The following SPEF2 variants were observed in gnomAD, a reference collection of about 807,000 sequenced individuals.
SPEF2 encodes sperm flagella and cilia-associated protein 2.
A neutral mutation model predicts 224.6 loss-of-function variants in SPEF2; 187 were observed. The ratio of observed to expected loss-of-function variants is 0.83; its 90% CI spans 0.74 to 0.94. The LOEUF (loss-of-function observed/expected upper bound fraction) is 0.94. Ranked by LOEUF, SPEF2 falls within the 40% of genes least tolerant of loss-of-function variation. The probability of loss-of-function intolerance (pLI) is 0.00; values close to 1 mark genes in which losing one functional copy is unlikely to be tolerated. For missense variants in SPEF2, 2,170 were observed against 2,135.6 expected (o/e 1.02, Z -0.32); for synonymous variants, 715 against 707.3 (o/e 1.01, Z -0.17).
intron 19 of SPEF2, among the ~76,000 whole-genome samples, chr5:35,712,291 C>A (rs1313182572): frequency 6.6e-6 from 1 of 151,738 alleles, no homozygotes; most frequent in Non-Finnish European, 1.5e-5. Context: ...GACAGGGTCT[C>A]ACTATGTTGC....
At chr5:35,652,142 T>C (rs7710864) in intron 6 of SPEF2, among the ~76,000 whole-genome samples, 14,696 of 152,166 alleles carry the variant, frequency 0.097, 851 homozygotes, top group East Asian at 0.18. Context: ...GAAAATATAA[T>C]CACTGCCCTC....
intron 36 of SPEF2, among the ~76,000 whole-genome samples, chr5:35,811,633 G>A (rs528175072): frequency 5.2e-4 from 79 of 151,792 alleles, no homozygotes; most frequent in Middle Eastern, 3.4e-3. Flanking sequence ...GGTGGGGTTT[G>A]TACAAATTAA....
At chr5:35,695,358 G>A (rs549250247) in intron 13 of SPEF2, among the ~76,000 whole-genome samples, 27 of 150,846 alleles carry the variant, frequency 1.8e-4, no homozygotes, top group African/African-American at 6.3e-4. Flanking sequence ...TGGTAATCCA[G>A]GAAAATAAAA....
intron 17 of SPEF2, among the ~76,000 whole-genome samples, chr5:35,705,107 C>A (rs1321608893): frequency 6.6e-6 from 1 of 151,876 alleles, no homozygotes; most frequent in African/African-American, 2.4e-5. Context: ...TTTTATGAAA[C>A]CCTGAAAAGT....
Position 35,795,792 on chromosome 5 carries a change from A to G in SPEF2, c.4827A>G (p.Ile1609Met). The stretch of plus-strand genomic sequence containing the variant: ...CATTTAATAGGCAGGAGCATCTTAT[A>G]GAGGTAATGACTGAGATCTTTAAAA... ...PLPFNRQEHL[I>M]EFFFRLFADY... Residue 1609 changes from isoleucine (I) to methionine (M), a missense_variant, in exon 33 of 37, where the codon ATA becomes ATG. Transcript: ENST00000356031. The G allele has an allele frequency of 1.9e-6, 3 of 1,608,638 alleles. No individual in the cohort carries two copies. The highest frequency in any genetic ancestry group is 2.6e-6 in the Non-Finnish European group (3 of 1,175,902).
chr5:35,750,060 G>A (rs942974604), intron 23 of SPEF2, among the ~76,000 whole-genome samples: 1 of 152,042 alleles, frequency 6.6e-6, no homozygotes, highest in African/African-American at 2.4e-5. Context: ...AATACCTACA[G>A]CCAACTGATC....
intron 21 of SPEF2, among the ~76,000 whole-genome samples, chr5:35,731,622 AGTGGTACTT>A (rs1745659727): frequency 6.6e-6 from 1 of 152,204 alleles, no homozygotes; most frequent in Non-Finnish European, 1.5e-5. Context: ...AGACCTGACC[AGTGGTACTT>A]GAAGATGAAT....
rs750895960 is a variant in SPEF2, at chr5:35,789,295, T to G, written c.4448-3045T>G. On this transcript the variant is annotated intron_variant, in intron 30 of 36. Transcript: ENST00000356031. ...TCCTTAGCATTCTGTCCTGTGTCAATAAGAATAGAAATTCCTCAATTGCTG... is the reference window on the plus strand; with the variant it reads ...TCCTTAGCATTCTGTCCTGTGTCAAGAAGAATAGAAATTCCTCAATTGCTG... 6.3e-5 allele frequency: 44 copies of G among 703,254 alleles called. No homozygotes were observed. The South Asian group carries it at 6.5e-4, about 10-fold the overall frequency. The allele number at this position is 703,254 out of a possible 1,614,324, so 43.6% of individuals were successfully genotyped here.
At chr5:35,648,363 AGTTTTTTTTTT>A (rs961806706) in intron 5 of SPEF2, among the ~76,000 whole-genome samples, 2 of 151,152 alleles carry the variant, frequency 1.3e-5, no homozygotes, top group African/African-American at 4.9e-5. Flanking sequence ...AGTTGATTAA[AGTTTTTTTTTT>A]GTTTTTTTTT....
At chr5:35,781,272 T>C (rs943448168) in intron 30 of SPEF2, 4 of 152,180 alleles carry the variant, frequency 2.6e-5, no homozygotes, top group Non-Finnish European at 5.9e-5. Context: ...GAGTTCTTTC[T>C]GGGACACAGT....
chr5:35,726,163 G>A (rs979114550), intron 20 of SPEF2, among the ~76,000 whole-genome samples: 1 of 152,084 alleles, frequency 6.6e-6, no homozygotes, highest in African/African-American at 2.4e-5. Context: ...ATTGTTAAAA[G>A]TTACACAAAA....
chr5:35,618,110 T>TGCAGCGCAGC, intron 1 of SPEF2, 55 bp downstream of exon 1: 1 of 1,536,546 alleles, frequency 6.5e-7, no homozygotes, highest in Non-Finnish European at 8.8e-7. Context: ...GCGCAGAGCC[T>TGCAGCGCAGC]GCAGCGCAGC....
chr5:35,761,402 G>C (rs1411108314), intron 25 of SPEF2, among the ~76,000 whole-genome samples: 2 of 152,094 alleles, frequency 1.3e-5, no homozygotes, highest in African/African-American at 4.8e-5. Flanking sequence ...TCCCAATAAT[G>C]CTCAATAAAT....
intron 25 of SPEF2, among the ~76,000 whole-genome samples, chr5:35,761,772 G>C (rs1024852068): frequency 6.6e-6 from 1 of 152,194 alleles, no homozygotes; most frequent in African/African-American, 2.4e-5. Flanking sequence ...AGTACATTCT[G>C]TTCTCAGCAC....
chr5:35,746,658 A>G (rs1748579771), intron 23 of SPEF2, among the ~76,000 whole-genome samples: 1 of 152,150 alleles, frequency 6.6e-6, no homozygotes, highest in South Asian at 2.1e-4. Flanking sequence ...AAAGCCTCCA[A>G]GAAGTCTGGG....
intron 28 of SPEF2, among the ~76,000 whole-genome samples, chr5:35,774,725 C>T (rs1006736333): frequency 2.0e-5 from 3 of 152,078 alleles, no homozygotes; most frequent in African/African-American, 7.2e-5. Flanking sequence ...TGGGGTATGC[C>T]GAGACACCTT....
At chr5:35,658,777 T>C (rs1749303018) in intron 7 of SPEF2, among the ~76,000 whole-genome samples, 1 of 152,206 alleles carries the variant, frequency 6.6e-6, no homozygotes. Flanking sequence ...ATGTTTTGAA[T>C]GAAGTAATAA....
Position 35,641,644 on chromosome 5 carries a change from T to C in SPEF2, c.375T>C (p.Asn125=). The change falls in exon 3 of 37, where the codon AAT becomes AAC. Residue 125 remains asparagine (N), a synonymous_variant. Coordinates refer to ENST00000356031, the MANE Select transcript of SPEF2 (RefSeq NM_024867.4). ...VEMQTMQRLT[N]LRLQNMKSDT... ...TGCAAACCATGCAACGTCTGACAAA[T>C]TTAAGACTTCAAAACATGAAAAGTG... The C allele has an allele frequency of 6.2e-7, 1 of 1,613,486 alleles. No individual in the cohort carries two copies. Among genetic ancestry groups the C allele is most frequent in the Non-Finnish European group, 8.5e-7 (1 of 1,179,662 alleles).
At chr5:35,804,252 G>T (rs1007947425) in intron 34 of SPEF2, among the ~76,000 whole-genome samples, 8 of 152,208 alleles carry the variant, frequency 5.3e-5, no homozygotes, top group Non-Finnish European at 1.0e-4. Flanking sequence ...CACACAGGTA[G>T]CACTCTGGGG....
Sources: allele counts gnomAD v4.1 joint callset (sites outside exome capture counted in the v4.1 genomes callset), GRCh38; gene constraint gnomAD v4.1.1; transcripts MANE v1.5; gene names NCBI Gene and HGNC (gene_info 2026-07-23, HGNC 2026-07-21).